RGL1: variants seen among roughly 807,000 people sequenced by gnomAD.
RGL1 encodes ral guanine nucleotide dissociation stimulator-like 1.
RGL1 carries 24 observed loss-of-function variants against 95.2 expected under a neutral mutation model. The observed-to-expected ratio is 0.25, with a 90% CI of 0.18 to 0.35. RGL1 has a LOEUF of 0.35. RGL1 is among the 10% of genes least tolerant of loss of function. The pLI, the probability that RGL1 is intolerant of heterozygous loss-of-function variation, is 1.00. For synonymous variants in RGL1, 329 were observed against 344.9 expected, an observed-to-expected ratio of 0.95 and a Z score of 0.51; for missense variants, 715 against 936.3, an observed-to-expected ratio of 0.76 and a Z score of 3.08.
At chr1:183,731,665 A>G (rs1656636056) in intron 1 of RGL1, among the ~76,000 whole-genome samples, 1 of 152,168 alleles carries the variant, frequency 6.6e-6, no homozygotes, top group South Asian at 2.1e-4. Flanking sequence ...GTTCTAAGTC[A>G]GACAGATCTG....
At chr1:183,760,500 G>T (rs1658597071) in intron 2 of RGL1, among the ~76,000 whole-genome samples, 1 of 149,012 alleles carries the variant, frequency 6.7e-6, no homozygotes, top group Non-Finnish European at 1.5e-5. Flanking sequence ...GGGAGGCTGA[G>T]GTAGGAGGAT....
intron 1 of RGL1, chr1:183,648,459 G>A: frequency 6.2e-7 from 1 of 1,614,218 alleles, no homozygotes; most frequent in Non-Finnish European, 8.5e-7. Context: ...ATTGTATATG[G>A]CTGAGTCAAG....
In RGL1 at chr1:183,904,907, A is replaced by G. The variant is rs1572582071; in HGVS notation, c.1408A>G (p.Met470Val). The change falls in exon 13 of 18, where the codon ATG (methionine) becomes GTG (valine). Residue 470 changes from methionine to valine, a missense_variant. Physicochemically the swap from Met to Val is conservative, Grantham distance 21. Around this residue, in one of 3 missense-constraint regions of RGL1, gnomAD observed 330 missense variants for 429.6 expected, o/e 0.77. Transcript: ENST00000360851. ...LLQSACNSYC[M>V]TPDQKFIQWF... is the part of the protein sequence containing the mutation. ...ACAGTCTGCCTGCAACAGCTATTGC[A>G]TGACCCCAGACCAAAAGTTCATCCA... 6.2e-7 allele frequency: 1 copy of G among 1,613,962 alleles called. No homozygotes were observed. The highest frequency in any genetic ancestry group is 8.5e-7 in the Non-Finnish European group (1 of 1,179,926).
intron 4 of RGL1, among the ~76,000 whole-genome samples, chr1:183,873,783 G>A (rs916750691): frequency 4.6e-5 from 7 of 152,190 alleles, no homozygotes; most frequent in Non-Finnish European, 7.3e-5. Flanking sequence ...AGCAAGGTTC[G>A]CACACAGCTG....
chr1:183,768,107 T>A (rs1220790880), intron 2 of RGL1, among the ~76,000 whole-genome samples: 1 of 152,108 alleles, frequency 6.6e-6, no homozygotes, highest in African/African-American at 2.4e-5. Context: ...CTGTCTAAAC[T>A]TCCGTCTTCT....
chr1:183,656,424 G>A (rs543067623), intron 1 of RGL1, among the ~76,000 whole-genome samples: 16 of 152,276 alleles, frequency 1.1e-4, no homozygotes, highest in Admixed American at 4.6e-4. Context: ...CGTACTCAGC[G>A]AATTGTAACC....
At chr1:183,812,833 C>T (rs928986778) in intron 2 of RGL1, among the ~76,000 whole-genome samples, 1 of 152,116 alleles carries the variant, frequency 6.6e-6, no homozygotes, top group Non-Finnish European at 1.5e-5. Context: ...AATGAGACTT[C>T]CCCTGTGAGG....
chr1:183,835,028 C>T (rs552539717), intron 2 of RGL1, among the ~76,000 whole-genome samples: 1 of 152,244 alleles, frequency 6.6e-6, no homozygotes, highest in Admixed American at 6.5e-5. Context: ...AAGAGCGGGT[C>T]ACAAGCCATG....
chr1:183,683,488 T>C (rs1360143141), intron 1 of RGL1, among the ~76,000 whole-genome samples: 1 of 152,240 alleles, frequency 6.6e-6, no homozygotes, highest in Non-Finnish European at 1.5e-5. Flanking sequence ...TGTTGAATAT[T>C]GGTCCCCACT....
intron 2 of RGL1, among the ~76,000 whole-genome samples, chr1:183,796,175 T>C (rs1022709694): frequency 2.1e-4 from 31 of 150,428 alleles, no homozygotes; most frequent in Non-Finnish European, 3.7e-4. Flanking sequence ...TTTTTTTTTT[T>C]TTTTTTTTGA....
intron 2 of RGL1, among the ~76,000 whole-genome samples, chr1:183,795,785 T>C (rs1042218946): frequency 7.9e-5 from 12 of 152,216 alleles, no homozygotes; most frequent in African/African-American, 2.7e-4. Context: ...AAAATCAAGC[T>C]TGGTGTTTTT....
chr1:183,858,111 T>A (rs894963870), intron 3 of RGL1, among the ~76,000 whole-genome samples: 4 of 152,094 alleles, frequency 2.6e-5, no homozygotes, highest in African/African-American at 4.8e-5. Context: ...GTTTTTTTTT[T>A]AAAGTGTGCT....
chr1:183,707,009 G>A (rs1558163988), intron 1 of RGL1, among the ~76,000 whole-genome samples: 2 of 152,080 alleles, frequency 1.3e-5, no homozygotes, highest in Admixed American at 6.6e-5. Context: ...GGTTTTTGTC[G>A]GGACCTTGGG....
intron 2 of RGL1, among the ~76,000 whole-genome samples, chr1:183,828,180 A>C (rs1296477234): frequency 2.0e-5 from 3 of 152,246 alleles, no homozygotes; most frequent in Non-Finnish European, 4.4e-5. Flanking sequence ...CTTTGACAAG[A>C]GAAACCTATG....
chr1:183,864,754 G>T (rs1249618890), intron 3 of RGL1, among the ~76,000 whole-genome samples: 1 of 152,202 alleles, frequency 6.6e-6, no homozygotes, highest in Non-Finnish European at 1.5e-5. Flanking sequence ...CCATAAGGCT[G>T]ATGAGCTAGA....
chr1:183,760,568 CA>C (rs58715145), intron 2 of RGL1, among the ~76,000 whole-genome samples: 1,419 of 50,802 alleles, frequency 0.028, 6 homozygotes, highest in African/African-American at 0.096. Flanking sequence ...CCAGTCTCTG[CA>C]AAAAAAAAAA....
intron 3 of RGL1, among the ~76,000 whole-genome samples, chr1:183,864,120 A>G (rs1005310385): frequency 4.6e-5 from 7 of 152,216 alleles, no homozygotes; most frequent in Non-Finnish European, 1.0e-4. Context: ...TAAAGCAAAG[A>G]TAAAGAATAG....
chr1:183,918,350 C>T (rs868276603), intron 16 of RGL1, among the ~76,000 whole-genome samples: 3 of 152,064 alleles, frequency 2.0e-5, no homozygotes, highest in South Asian at 2.1e-4. Flanking sequence ...AAGGAGCACC[C>T]GAGAGGTAGA....
chr1:183,876,093 C>G (rs1666480977), intron 4 of RGL1, among the ~76,000 whole-genome samples: 1 of 152,140 alleles, frequency 6.6e-6, no homozygotes, highest in African/African-American at 2.4e-5. Context: ...GGGAGATCCT[C>G]CCTAAAGCCT....
Sources: gnomAD v4.1 joint callset for allele counts (sites outside exome capture counted in the v4.1 genomes callset) on GRCh38, gnomAD v4.1.1 for gene constraint, gnomAD v4.1.1 regional missense constraint, MANE v1.5 for transcripts, NCBI Gene and HGNC (gene_info 2026-07-23, HGNC 2026-07-21) for gene names.